Variants in CHN2 observed in about 807,000 individuals in gnomAD.
CHN2 encodes beta-chimaerin.
CHN2 carries 35 observed loss-of-function variants against 56.3 expected under a neutral mutation model. That is an observed-to-expected ratio of 0.62 (90% confidence interval 0.47 to 0.82). The LOEUF is 0.82. Among genes scored for constraint, CHN2 ranks in the 40% least tolerant of loss-of-function variants. The probability of loss-of-function intolerance (pLI) is 0.00; values close to 1 mark genes in which losing one functional copy is unlikely to be tolerated. For missense variants in CHN2, 491 were observed against 580.5 expected, an observed-to-expected ratio of 0.85 and a Z score of 1.58; for synonymous variants, 210 against 212.8, an observed-to-expected ratio of 0.99 and a Z score of 0.12.
At chr7:29,410,856 A>G (rs1191905589) in intron 6 of CHN2, among the ~76,000 whole-genome samples, 1 of 152,182 alleles carries the variant, frequency 6.6e-6, no homozygotes, top group Non-Finnish European at 1.5e-5. Flanking sequence ...AATGACTGTT[A>G]CATATAATGC....
intron 6 of CHN2, among the ~76,000 whole-genome samples, chr7:29,402,085 C>T (rs946616056): frequency 2.6e-5 from 4 of 152,182 alleles, no homozygotes; most frequent in African/African-American, 9.7e-5. Context: ...GGCCTCCCGT[C>T]GTCCAGTGTC....
chr7:29,280,585 C>G (rs28613974), intron 1 of CHN2, among the ~76,000 whole-genome samples: 7 of 151,972 alleles, frequency 4.6e-5, no homozygotes, highest in African/African-American at 7.3e-5. Context: ...AACAAACCTA[C>G]TAAGTACAAG....
intron 6 of CHN2, among the ~76,000 whole-genome samples, chr7:29,433,931 CAGGAAGGAAGGA>C (rs1280804287): frequency 1.3e-5 from 2 of 151,194 alleles, no homozygotes; most frequent in Non-Finnish European, 3.0e-5. Flanking sequence ...GGGAGAGAGG[CAGGAAGGAAGGA>C]AGGAATCTAT....
intron 2 of CHN2, among the ~76,000 whole-genome samples, chr7:29,149,789 C>T (rs1184802467): frequency 6.6e-6 from 1 of 152,100 alleles, no homozygotes; most frequent in Non-Finnish European, 1.5e-5. Context: ...CTGCTTCAGC[C>T]TTCCAGGGCT....
intron 1 of CHN2, chr7:29,212,510 A>C (rs557207272): frequency 6.4e-7 from 1 of 1,567,990 alleles, no homozygotes; most frequent in Non-Finnish European, 8.8e-7. Flanking sequence ...TTCTTCCACC[A>C]GTCCCAAAGG....
chr7:29,402,748 C>T (rs1173231288), intron 6 of CHN2, among the ~76,000 whole-genome samples: 1 of 152,142 alleles, frequency 6.6e-6, no homozygotes, highest in Non-Finnish European at 1.5e-5. Flanking sequence ...GGTATTGAAA[C>T]TGATATTTCT....
intron 1 of CHN2, among the ~76,000 whole-genome samples, chr7:29,301,782 C>T (rs1417529292): frequency 6.6e-6 from 1 of 152,214 alleles, no homozygotes. Flanking sequence ...TGCTTGTTAT[C>T]ATGGTGGTAG....
At chr7:29,171,886 G>C (rs146115836) in intron 2 of CHN2, among the ~76,000 whole-genome samples, 1 of 152,136 alleles carries the variant, frequency 6.6e-6, no homozygotes, top group Non-Finnish European at 1.5e-5. Flanking sequence ...ATGGACTTAC[G>C]AACTGATTTG....
At chr7:29,394,405 C>T (rs1240618112) in intron 4 of CHN2, among the ~76,000 whole-genome samples, 1 of 152,186 alleles carries the variant, frequency 6.6e-6, no homozygotes, top group Non-Finnish European at 1.5e-5. Flanking sequence ...CCAAGTCCAA[C>T]CTGGAGGCGT....
intron 6 of CHN2, among the ~76,000 whole-genome samples, chr7:29,439,671 T>G (rs67079113): frequency 0.045 from 6,786 of 152,256 alleles, 315 homozygotes; most frequent in African/African-American, 0.12. Flanking sequence ...ATGAGTGAGG[T>G]TCCTGTGTCT....
rs571320908 is a variant in CHN2 at position 29,242,453 on chromosome 7, G to A, written c.49+47463G>A. ...CTGCTGGCTGTGATGTCAACACTGT[G>A]TTTATATGAAATCCTTCAGCCAATG... On this transcript the variant is annotated intron_variant, in intron 1 of 12. Transcript: ENST00000222792. Among the ~76,000 whole-genome samples, 37 of 152,260 alleles carry A rather than the reference G, an allele frequency of 2.4e-4. 1 individual carries two copies. Among genetic ancestry groups the A allele is most frequent in the African/African-American group, 8.9e-4 (37 of 41,552 alleles).
intron 3 of CHN2, among the ~76,000 whole-genome samples, chr7:29,383,929 T>C (rs906775116): frequency 6.6e-6 from 1 of 152,198 alleles, no homozygotes. Context: ...GATGAGTAGA[T>C]AGCCCAGTGG....
Position 29,512,835 on chromosome 7 carries a change from G to A in CHN2, c.*100G>A. The A allele has an allele frequency of 4.4e-6, 6 of 1,354,762 alleles. No homozygotes were observed. Among genetic ancestry groups the A allele is most frequent in the South Asian group, 4.4e-5 (3 of 68,424 alleles). 83.9% of individuals were successfully genotyped at this position (1,354,762 alleles called of 1,614,324 possible). A position where few individuals can be genotyped will look rare whatever the true frequency, so the allele number is the denominator to read the frequency against. ...ACCACTTGATTTGTTTTCCAAGCAA[G>A]TGCTAGAATTTCCTGGACTGCAGAG... On this transcript the variant is annotated 3_prime_UTR_variant, in exon 13 of 13. Transcript: ENST00000222792.
chr7:29,435,787 C>A (rs994325125), intron 6 of CHN2, among the ~76,000 whole-genome samples: 1 of 151,820 alleles, frequency 6.6e-6, no homozygotes, highest in African/African-American at 2.4e-5. Flanking sequence ...AGAAAAAGCA[C>A]TTTTCTTCAA....
intron 1 of CHN2, among the ~76,000 whole-genome samples, chr7:29,256,998 G>C (rs1012090103): frequency 1.3e-5 from 2 of 152,120 alleles, no homozygotes; most frequent in Non-Finnish European, 2.9e-5. Context: ...AATACATCCC[G>C]AGTAAGGCAA....
chr7:29,480,189 C>A, intron 6 of CHN2, 90 bp from the exon 7 acceptor site: 5 of 1,611,440 alleles, frequency 3.1e-6, no homozygotes, highest in Non-Finnish European at 3.4e-6. Flanking sequence ...CAGGAAACGC[C>A]AAGAACTGCT....
chr7:29,319,278 G>A lies in CHN2; in HGVS notation c.50-35347G>A, dbSNP rs115446274. On this transcript the variant is annotated intron_variant, in intron 1 of 12. Transcript: ENST00000222792. Reference sequence around the variant, plus strand: ...AGATTCAAGCATCAGTTCTCAGCACGTCTTTGTTAACAAAAATAACACAGA... The same window carrying A: ...AGATTCAAGCATCAGTTCTCAGCACATCTTTGTTAACAAAAATAACACAGA... Among the ~76,000 whole-genome samples the A allele has an allele frequency of 3.8e-3, 584 of 152,274 alleles. 5 individuals carry two copies. The highest frequency in any genetic ancestry group is 0.013 in the African/African-American group (525 of 41,564).
At chr7:29,410,623 G>A (rs1467172557) in intron 6 of CHN2, among the ~76,000 whole-genome samples, 3 of 152,092 alleles carry the variant, frequency 2.0e-5, no homozygotes, top group Non-Finnish European at 4.4e-5. Context: ...TGGGATGTGA[G>A]ATTATACTTG....
intron 1 of CHN2, among the ~76,000 whole-genome samples, chr7:29,235,067 A>T (rs183784400): frequency 2.4e-4 from 37 of 152,316 alleles, no homozygotes; most frequent in African/African-American, 8.4e-4. Flanking sequence ...GAGAAACTGG[A>T]TGTAGTTTTA....
Sources: gnomAD v4.1 joint callset for allele counts (sites outside exome capture counted in the v4.1 genomes callset) on GRCh38, gnomAD v4.1.1 for gene constraint, MANE v1.5 for transcripts, NCBI Gene and HGNC (gene_info 2026-07-23, HGNC 2026-07-21) for gene names.